Variants in A2ML1 observed in about 807,000 individuals in gnomAD.
A2ML1 encodes the protein alpha-2-macroglobulin like 1.
A2ML1 carries 161 observed loss-of-function variants against 181.9 expected under a neutral mutation model. That is an observed-to-expected ratio of 0.89 (90% CI 0.78 to 1.01). The LOEUF is 1.01. Among genes scored for constraint, A2ML1 ranks in the 50% least tolerant of loss-of-function variants. The pLI is 0.00. For synonymous variants in A2ML1, 663 were observed against 666.8 expected (o/e 0.99, Z 0.09); for missense variants, 1,670 against 1,768.1 (o/e 0.94, Z 1.00).
Position 8,846,202 on chromosome 12 carries a change from G to A in A2ML1, c.1663G>A (p.Glu555Lys). ...AGCTGACAAAATTCAGTTCTCAGTC[G>A]AGATGTGCTTTGACAATCAGGTAAA... is the stretch of plus-strand genomic sequence containing the variant. ...VVADKIQFSV[E>K]MCFDNQVSLG... Residue 555 changes from glutamate to lysine, a missense_variant, in exon 14 of 36, where the codon GAG (glutamate) becomes AAG (lysine). Transcript: ENST00000299698. The A allele has an allele frequency of 1.9e-6, 3 of 1,614,148 alleles. No homozygotes were observed. The highest frequency in any genetic ancestry group is 8.5e-7 in the Non-Finnish European group (1 of 1,180,008).
At chr12:8,854,712 T>C in intron 21 of A2ML1, 68 bp from the exon 22 acceptor site, 1 of 1,581,960 alleles carries the variant, frequency 6.3e-7, no homozygotes, top group Non-Finnish European at 8.7e-7. Context: ...CTCCCTTCCC[T>C]TTCCTTTAGT....
At position 8,874,962 on chromosome 12, in the gene A2ML1, A is replaced by C. The variant is rs1055879090; in HGVS notation, c.4325-9A>C. 8.1e-6 allele frequency: 13 copies of C among 1,613,912 alleles called. No individual in the cohort carries two copies. The African/African-American group carries it at 1.7e-4, about 22-fold the overall frequency. ...TCAAAGTAATAATATGACTTATTTCATTTCACAGATGAACAGGCAACAATT... is the reference window on the plus strand; with the variant it reads ...TCAAAGTAATAATATGACTTATTTCCTTTCACAGATGAACAGGCAACAATT... On this transcript the variant is annotated splice_polypyrimidine_tract_variant and intron_variant, in intron 34 of 35. Coordinates refer to ENST00000299698, the MANE Select transcript of A2ML1 (RefSeq NM_144670.6).
chr12:8,839,110 C>T lies in A2ML1; in HGVS notation c.971-3C>T, dbSNP rs755855348. On this transcript the variant is annotated splice_polypyrimidine_tract_variant and splice_region_variant and intron_variant, in intron 9 of 35. Transcript: ENST00000299698. ...TCTTTATACATCTGGTTTCCCTCTGCAGGTGTGGAGGCCAATGCCACTCAG... is the reference window on the plus strand; with the variant it reads ...TCTTTATACATCTGGTTTCCCTCTGTAGGTGTGGAGGCCAATGCCACTCAG... 28 of 1,605,132 alleles carry T rather than the reference C, an allele frequency of 1.7e-5. No homozygotes were observed. Among genetic ancestry groups the T allele is most frequent in the South Asian group, 4.4e-5 (4 of 90,176 alleles).
intron 32 of A2ML1, among the ~76,000 whole-genome samples, chr12:8,868,889 T>G (rs1283635770): frequency 6.6e-6 from 1 of 152,158 alleles, no homozygotes; most frequent in Non-Finnish European, 1.5e-5. Flanking sequence ...TGTATATATG[T>G]GCATGTATGT....
rs181551712 is a variant in A2ML1, at chr12:8,856,279, G to C, written c.2848+687G>C. Reference sequence around the variant, plus strand: ...TGTCTCTGTTTTGTCTATTTTATTCGTAAGTCTGACATAGCACTTATCTTA... The same window carrying C: ...TGTCTCTGTTTTGTCTATTTTATTCCTAAGTCTGACATAGCACTTATCTTA... On this transcript the variant is annotated intron_variant, in intron 23 of 35. Transcript: ENST00000299698. Among the ~76,000 whole-genome samples, 26 of 152,136 alleles carry C rather than the reference G, an allele frequency of 1.7e-4. No homozygotes were observed. In the East Asian group the frequency reaches 4.3e-3, roughly 25 times the overall value.
In A2ML1 at chr12:8,874,842, T is replaced by TG. The variant is rs149147150; in HGVS notation, c.4325-129_4325-128insG. On this transcript the variant is annotated intron_variant, in intron 34 of 35. Coordinates refer to ENST00000299698, the MANE Select transcript of A2ML1 (RefSeq NM_144670.6). ...AATATTAGTGATTGAAACTTTCTTGTAATTCTGAATATGCTCATAACCTGT... is the reference window on the plus strand; with the variant it reads ...AATATTAGTGATTGAAACTTTCTTGTGAATTCTGAATATGCTCATAACCTGT... The TG allele has an allele frequency of 2.8e-3, 2,382 of 837,476 alleles. 40 individuals carry two copies. In the African/African-American group the frequency reaches 0.036, roughly 12 times the overall value. 51.9% of individuals were successfully genotyped at this position (837,476 alleles called of 1,614,324 possible).
chr12:8,882,197 A>G (rs1327446753), intron 7 of A2ML1, among the ~76,000 whole-genome samples: 2 of 151,954 alleles, frequency 1.3e-5, no homozygotes, highest in Non-Finnish European at 2.9e-5. Context: ...AGGAAATGAG[A>G]AGAGGAGAGA....
In A2ML1 at chr12:8,855,553, A is replaced by G. The variant is rs866812216; in HGVS notation, c.2809A>G (p.Ile937Val). Residue 937 changes from isoleucine (I) to valine (V), a missense_variant, in exon 23 of 36, where the codon ATT becomes GTT. Ile to Val is a conservative substitution (Grantham distance 29, BLOSUM62 3). Coordinates refer to ENST00000299698, the MANE Select transcript of A2ML1 (RefSeq NM_144670.6). ...TGTCTCCCTGGAGCTCCCAGTGGAC[A>G]TTGTTCCTGACTCGACCAAGGCTTA... The part of the protein sequence containing the change: ...ESVSLELPVD[I>V]VPDSTKAYVT... 4.3e-6 allele frequency: 7 copies of G among 1,613,998 alleles called. No individual in the cohort carries two copies. Among genetic ancestry groups the G allele is most frequent in the Middle Eastern group, 1.6e-4 (1 of 6,084 alleles).
At chr12:8,886,224 G>C (rs1944920520) in intron 7 of A2ML1, among the ~76,000 whole-genome samples, 1 of 152,128 alleles carries the variant, frequency 6.6e-6, no homozygotes, top group Admixed American at 6.6e-5. Flanking sequence ...GAGCTATAGA[G>C]TTGAAGATGA....
chr12:8,839,068 A>T, intron 9 of A2ML1, 45 bp from the exon 10 acceptor site: 1 of 1,301,476 alleles, frequency 7.7e-7, no homozygotes, highest in Non-Finnish European at 1.1e-6. Flanking sequence ...TGAAGATGAG[A>T]ATATCAGGTG....
At chr12:8,844,425 C>T (rs1158086096) in intron 12 of A2ML1, among the ~76,000 whole-genome samples, 1 of 151,984 alleles carries the variant, frequency 6.6e-6, no homozygotes, top group Middle Eastern at 3.2e-3. Flanking sequence ...TTCTGTGTTC[C>T]ATTGGTCAAT....
Position 8,823,808 on chromosome 12 carries a change from A to G in A2ML1, c.335A>G (p.Lys112Arg), listed in dbSNP as rs753721369. 9.3e-6 allele frequency: 15 copies of G among 1,613,974 alleles called. No homozygotes were observed. In the East Asian group the frequency reaches 3.1e-4, roughly 34 times the overall value. Residue 112 changes from lysine to arginine, a missense_variant, in exon 3 of 36, where the codon AAG (lysine) becomes AGG (arginine). Coordinates refer to ENST00000299698, the MANE Select transcript of A2ML1 (RefSeq NM_144670.6). ...GNNISFEEKK[K>R]VLIQRQGNGT... The stretch of plus-strand genomic sequence containing the variant: ...AACATCAGCTTTGAGGAGAAGAAAA[A>G]GGTTCTAATTCAGAGGCAGGGGAAC...
chr12:8,845,036 A>G, intron 12 of A2ML1: 1 of 1,432,438 alleles, frequency 7.0e-7, no homozygotes, highest in Non-Finnish European at 9.1e-7. Flanking sequence ...GTTTAGGATG[A>G]AATTATTTCC....
At chr12:8,886,494 G>T (rs777756218) in intron 7 of A2ML1, 2 of 152,200 alleles carry the variant, frequency 1.3e-5, no homozygotes, top group Admixed American at 1.3e-4. Context: ...TATTGTCTTG[G>T]TTTTTTCCTT....
chr12:8,850,730 G>A (rs1036602208), intron 18 of A2ML1, among the ~76,000 whole-genome samples: 12 of 152,130 alleles, frequency 7.9e-5, no homozygotes, highest in Admixed American at 1.3e-4. Flanking sequence ...TTTATTTTCC[G>A]GAATTCTTTT....
At chr12:8,884,868 G>T (rs1178616241) in intron 7 of A2ML1, among the ~76,000 whole-genome samples, 1 of 152,148 alleles carries the variant, frequency 6.6e-6, no homozygotes, top group Non-Finnish European at 1.5e-5. Flanking sequence ...CCTTTTTATG[G>T]CTGCATAGTA....
downstream of A2ML1, among the ~76,000 whole-genome samples, chr12:8,879,158 C>T (rs1592168271): frequency 6.6e-6 from 1 of 152,056 alleles, no homozygotes; most frequent in South Asian, 2.1e-4. Flanking sequence ...AAGCTTGCCT[C>T]TTGGGTATCA....
intron 4 of A2ML1, 57 bp from the exon 5 acceptor site, chr12:8,834,605 C>T: frequency 6.3e-7 from 1 of 1,599,838 alleles, no homozygotes; most frequent in Non-Finnish European, 8.5e-7. Context: ...TTTCAGCAAA[C>T]TTATTCTTAT....
At chr12:8,881,680 T>C (rs1035835701), downstream of A2ML1, among the ~76,000 whole-genome samples, 1 of 152,100 alleles carries the variant, frequency 6.6e-6, no homozygotes, top group Non-Finnish European at 1.5e-5. Context: ...CAGGTACAGA[T>C]ATAGAAAGAG....
Sources: gnomAD v4.1 joint callset for allele counts (sites outside exome capture counted in the v4.1 genomes callset) on GRCh38, gnomAD v4.1.1 for gene constraint, MANE v1.5 for transcripts, NCBI Gene and HGNC (gene_info 2026-07-23, HGNC 2026-07-21) for gene names.